The following ZBTB46 variants were observed in gnomAD, a reference collection of about 807,000 sequenced individuals.
ZBTB46 encodes zinc finger and BTB domain containing 46.
In ZBTB46, 8 loss-of-function variants were observed where a neutral mutation model predicts 44.1. That is an observed-to-expected ratio of 0.18 (90% CI 0.11 to 0.33). The LOEUF is 0.33. Ranked by LOEUF, ZBTB46 falls within the 10% of genes least tolerant of loss-of-function variation. ZBTB46 has a pLI of 1.00. For missense variants in ZBTB46, 651 were observed against 847.7 expected (o/e 0.77, Z 2.88); for synonymous variants, 409 against 382.3 (o/e 1.07, Z -0.81).
At chr20:63,814,450 G>A (rs1276185061) in intron 1 of ZBTB46, among the ~76,000 whole-genome samples, 1 of 152,168 alleles carries the variant, frequency 6.6e-6, no homozygotes, top group African/African-American at 2.4e-5. Flanking sequence ...TTACAAAACT[G>A]GGAAAATATA....
At chr20:63,809,247 G>C (rs1427117109) in intron 1 of ZBTB46, among the ~76,000 whole-genome samples, 3 of 152,118 alleles carry the variant, frequency 2.0e-5, no homozygotes, top group African/African-American at 7.2e-5. Context: ...GCGCAGCCCT[G>C]GGGGCCCCGC....
intron 2 of ZBTB46, among the ~76,000 whole-genome samples, chr20:63,785,224 CAAAA>C (rs368838708): frequency 6.2e-5 from 6 of 96,934 alleles, no homozygotes; most frequent in African/African-American, 2.5e-4. Context: ...GAGCGAGACT[CAAAA>C]AAAAAAAAAA....
chr20:63,792,919 G>A (rs1221618630), intron 1 of ZBTB46, among the ~76,000 whole-genome samples: 1 of 152,226 alleles, frequency 6.6e-6, no homozygotes, highest in Non-Finnish European at 1.5e-5. Flanking sequence ...TCTGCCTTCA[G>A]GGTCCTGGGC....
intron 3 of ZBTB46, among the ~76,000 whole-genome samples, chr20:63,763,738 T>C (rs1048223038): frequency 1.8e-4 from 28 of 152,172 alleles, no homozygotes; most frequent in Non-Finnish European, 4.4e-5. Context: ...CTTCTCCTCA[T>C]TGAGCCTTTG....
chr20:63,763,690 G>A (rs1388609322), intron 3 of ZBTB46, among the ~76,000 whole-genome samples: 2 of 152,056 alleles, frequency 1.3e-5, no homozygotes, highest in African/African-American at 2.4e-5. Context: ...ATTTGGGTGG[G>A]GACAGAGATC....
intron 3 of ZBTB46, among the ~76,000 whole-genome samples, chr20:63,768,297 T>A (rs2092337508): frequency 6.6e-6 from 1 of 152,222 alleles, no homozygotes; most frequent in Non-Finnish European, 1.5e-5. Context: ...CCGAGGCTCA[T>A]CCTAGCACTT....
chr20:63,794,798 A>G (rs1409256532), intron 1 of ZBTB46, among the ~76,000 whole-genome samples: 3 of 138,168 alleles, frequency 2.2e-5, no homozygotes, highest in African/African-American at 7.7e-5. Flanking sequence ...GGAGCACAAG[A>G]TCTAACGGAC....
At chr20:63,826,410 G>A (rs910214844) in intron 1 of ZBTB46, among the ~76,000 whole-genome samples, 2 of 152,250 alleles carry the variant, frequency 1.3e-5, no homozygotes, top group African/African-American at 2.4e-5. Flanking sequence ...CACCTGGGCC[G>A]ACAATGACAG....
At chr20:63,807,217 T>C (rs1340606443) in intron 1 of ZBTB46, among the ~76,000 whole-genome samples, 1 of 152,192 alleles carries the variant, frequency 6.6e-6, no homozygotes, top group Non-Finnish European at 1.5e-5. Context: ...ATTCAATTTC[T>C]TTATTGAAAT....
At chr20:63,763,989 G>A (rs1269131269) in intron 3 of ZBTB46, among the ~76,000 whole-genome samples, 1 of 151,256 alleles carries the variant, frequency 6.6e-6, no homozygotes, top group South Asian at 2.1e-4. Flanking sequence ...TTTTAAATAA[G>A]AGACGGCCTT....
At chr20:63,782,603 G>C (rs752474712) in intron 2 of ZBTB46, among the ~76,000 whole-genome samples, 57 of 152,184 alleles carry the variant, frequency 3.7e-4, no homozygotes, top group Non-Finnish European at 6.5e-4. Context: ...ACCTGCAGGA[G>C]AGCCTCACAG....
chr20:63,807,643 C>T (rs1255025844), intron 1 of ZBTB46, among the ~76,000 whole-genome samples: 1 of 152,254 alleles, frequency 6.6e-6, no homozygotes, highest in African/African-American at 2.4e-5. Context: ...CCGCGCCCGG[C>T]CTTCAGCTAC....
At chr20:63,753,242 C>T (rs1334493028) in intron 3 of ZBTB46, among the ~76,000 whole-genome samples, 2 of 152,158 alleles carry the variant, frequency 1.3e-5, no homozygotes, top group Non-Finnish European at 2.9e-5. Context: ...GGTAGCAGGC[C>T]CTGGGCGTGG....
intron 4 of ZBTB46, among the ~76,000 whole-genome samples, chr20:63,749,747 G>A (rs904804221): frequency 6.6e-6 from 1 of 152,256 alleles, no homozygotes; most frequent in South Asian, 2.1e-4. Flanking sequence ...AAGGGTTGGA[G>A]CGGGGCTAGT....
At chr20:63,792,765 G>A (rs960555714) in intron 1 of ZBTB46, among the ~76,000 whole-genome samples, 2 of 152,158 alleles carry the variant, frequency 1.3e-5, no homozygotes, top group Non-Finnish European at 2.9e-5. Context: ...TGATCCACCC[G>A]CCTCGGCCTC....
chr20:63,788,853 G>A (rs1037927004), intron 2 of ZBTB46, among the ~76,000 whole-genome samples: 1 of 105,374 alleles, frequency 9.5e-6, no homozygotes, highest in South Asian at 3.4e-4. Flanking sequence ...TTTTTTTTTT[G>A]AGATGGAGTT....
At chr20:63,798,685 A>AAAAAAAAAAACAAAAAAAAAAC (rs1417351365) in intron 1 of ZBTB46, among the ~76,000 whole-genome samples, 1 of 127,886 alleles carries the variant, frequency 7.8e-6, no homozygotes, top group African/African-American at 3.2e-5. Context: ...AAAAAAAAAA[A>AAAAAAAAAAACAAAAAAAAAAC]AAAAAAAATT....
At chr20:63,800,157 C>A (rs11906437) in intron 1 of ZBTB46, among the ~76,000 whole-genome samples, 27,410 of 152,198 alleles carry the variant, frequency 0.18, 3,012 homozygotes, top group East Asian at 0.45. Context: ...CCTGGGGCAC[C>A]TCCCTGCTCA....
chr20:63,774,091 A>G (rs1480849740), intron 3 of ZBTB46, among the ~76,000 whole-genome samples: 1 of 101,178 alleles, frequency 9.9e-6, no homozygotes, highest in Non-Finnish European at 1.8e-5. Context: ...AGATGTGGGA[A>G]GTGAGGCCTC....
Sources: gnomAD v4.1 joint callset for allele counts (sites outside exome capture counted in the v4.1 genomes callset) on GRCh38, gnomAD v4.1.1 for gene constraint, MANE v1.5 for transcripts, NCBI Gene and HGNC (gene_info 2026-07-23, HGNC 2026-07-21) for gene names.